MYCT1: variants seen among roughly 807,000 people sequenced by gnomAD.
MYCT1 encodes the protein myc target protein 1.
In MYCT1, 12 loss-of-function variants were observed where a neutral mutation model predicts 15.0. That is an observed-to-expected ratio of 0.80 (90% CI 0.51 to 1.29). The LOEUF (loss-of-function observed/expected upper bound fraction) is 1.29. Ranked by LOEUF, MYCT1 falls within the 50% of genes most tolerant of loss-of-function variation. The pLI is 0.00. For missense variants in MYCT1, 287 were observed against 279.1 expected (o/e 1.03, Z -0.20); for synonymous variants, 104 against 102.7 (o/e 1.01, Z -0.07).
intron 1 of MYCT1, among the ~76,000 whole-genome samples, chr6:152,701,228 C>T (rs1359978944): frequency 6.6e-6 from 1 of 152,150 alleles, no homozygotes; most frequent in African/African-American, 2.4e-5. Flanking sequence ...TTAGTTCACT[C>T]AGAAGCGTTC....
the MYCT1 span, among the ~76,000 whole-genome samples, chr6:152,746,203 C>G: frequency 1.3e-5 from 2 of 152,216 alleles, no homozygotes; most frequent in Non-Finnish European, 2.9e-5. Flanking sequence ...ATAGTAAACA[C>G]AGAGGGTGAT....
the MYCT1 span, among the ~76,000 whole-genome samples, chr6:152,746,964 A>G: frequency 8.3e-4 from 127 of 152,260 alleles, 1 homozygote; most frequent in African/African-American, 2.9e-3. Context: ...ATATTTGCTG[A>G]TATATTTTTA....
intron 1 of MYCT1, among the ~76,000 whole-genome samples, chr6:152,720,636 TA>T (rs2099724536): frequency 6.6e-6 from 1 of 152,112 alleles, no homozygotes; most frequent in Non-Finnish European, 1.5e-5. Context: ...GACAGAAGCT[TA>T]AAAAATTGAA....
the MYCT1 span, among the ~76,000 whole-genome samples, chr6:152,742,262 C>A: frequency 2.6e-5 from 4 of 152,044 alleles, no homozygotes; most frequent in Non-Finnish European, 5.9e-5. Context: ...TACAGTCTTT[C>A]TGGAAAAAAA....
intron 1 of MYCT1, among the ~76,000 whole-genome samples, chr6:152,718,590 A>G (rs935346259): frequency 1.3e-5 from 2 of 152,090 alleles, no homozygotes; most frequent in African/African-American, 4.8e-5. Flanking sequence ...TTGATTGTGT[A>G]TTTAAATAGT....
At chr6:152,732,834 A>C in the MYCT1 span, among the ~76,000 whole-genome samples, 1 of 152,200 alleles carries the variant, frequency 6.6e-6, no homozygotes, top group East Asian at 1.9e-4. Context: ...CCACAAGCCA[A>C]GGAATGCCAG....
chr6:152,704,043 G>T (rs1333938349), intron 1 of MYCT1, among the ~76,000 whole-genome samples: 6 of 150,462 alleles, frequency 4.0e-5, no homozygotes, highest in Non-Finnish European at 8.8e-5. Context: ...TGCCACATGG[G>T]TGGAGTGCAG....
downstream of MYCT1, chr6:152,724,659 A>C (rs1226799159): frequency 6.6e-6 from 1 of 152,174 alleles, no homozygotes; most frequent in Non-Finnish European, 1.5e-5. Flanking sequence ...TTAAATCAGG[A>C]AAACACATTA....
chr6:152,746,553 G>A, the MYCT1 span, among the ~76,000 whole-genome samples: 1 of 152,230 alleles, frequency 6.6e-6, no homozygotes, highest in Non-Finnish European at 1.5e-5. Context: ...CATGGAAAGA[G>A]AAACTGCAGA....
At chr6:152,700,820 A>G (rs985799475) in intron 1 of MYCT1, among the ~76,000 whole-genome samples, 1 of 151,974 alleles carries the variant, frequency 6.6e-6, no homozygotes, top group Non-Finnish European at 1.5e-5. Flanking sequence ...CTTGCTTTGC[A>G]TTTTTTTCCT....
At chr6:152,725,758 T>C (rs1046828412), downstream of MYCT1, among the ~76,000 whole-genome samples, 6 of 152,190 alleles carry the variant, frequency 3.9e-5, no homozygotes, top group African/African-American at 1.4e-4. Context: ...CGAAGTCTCC[T>C]AGCACCTGCC....
At chr6:152,742,956 C>T in the MYCT1 span, among the ~76,000 whole-genome samples, 1 of 152,150 alleles carries the variant, frequency 6.6e-6, no homozygotes, top group African/African-American at 2.4e-5. Flanking sequence ...GAAAGAAGCA[C>T]CCTGTGCCTT....
chr6:152,728,653 T>C (rs1400666360), downstream of MYCT1, among the ~76,000 whole-genome samples: 1 of 152,152 alleles, frequency 6.6e-6, no homozygotes, highest in East Asian at 1.9e-4. Flanking sequence ...CCCAGTACTT[T>C]GGGAGTGTGA....
intron 1 of MYCT1, among the ~76,000 whole-genome samples, chr6:152,708,071 T>C (rs2129069180): frequency 6.6e-6 from 1 of 151,978 alleles, no homozygotes; most frequent in Middle Eastern, 3.4e-3. Context: ...TATAAATAAA[T>C]TTAAGGGCAG....
intron 1 of MYCT1, among the ~76,000 whole-genome samples, chr6:152,700,641 T>C (rs372404952): frequency 6.6e-6 from 1 of 152,276 alleles, no homozygotes; most frequent in Non-Finnish European, 1.5e-5. Context: ...TTGCTTTCTT[T>C]AACGCACTTC....
At chr6:152,744,086 T>C in the MYCT1 span, among the ~76,000 whole-genome samples, 2 of 152,186 alleles carry the variant, frequency 1.3e-5, no homozygotes, top group African/African-American at 2.4e-5. Flanking sequence ...GAGGATTTGG[T>C]GTCTGGCTTC....
chr6:152,705,159 G>T (rs1338071619), intron 1 of MYCT1, among the ~76,000 whole-genome samples: 1 of 152,052 alleles, frequency 6.6e-6, no homozygotes, highest in South Asian at 2.1e-4. Flanking sequence ...GAAAATATCA[G>T]GTTGAAACTG....
rs151331328 is a variant in MYCT1, at chr6:152,721,527, T to C, written c.197-215T>C. On this transcript the variant is annotated intron_variant, in intron 1 of 1. Coordinates refer to ENST00000367245, the MANE Select transcript of MYCT1 (RefSeq NM_025107.3). ...GTTAAGTGACCTGGAATGCCGCAGC[T>C]GAAAGTGTTATTTTGTATCTTTCTG... is the stretch of plus-strand genomic sequence containing the variant. Among the ~76,000 whole-genome samples, 36 of 152,304 alleles carry C rather than the reference T, an allele frequency of 2.4e-4. 1 individual carries two copies. The East Asian group carries it at 7.0e-3, about 29-fold the overall frequency.
chr6:152,706,491 A>C (rs1431896225), intron 1 of MYCT1, among the ~76,000 whole-genome samples: 1 of 152,196 alleles, frequency 6.6e-6, no homozygotes, highest in Non-Finnish European at 1.5e-5. Flanking sequence ...CCACCAGATG[A>C]GAAGTTAAGC....
Sources: allele counts gnomAD v4.1 joint callset (sites outside exome capture counted in the v4.1 genomes callset), GRCh38; gene constraint gnomAD v4.1.1; transcripts MANE v1.5; gene names NCBI Gene and HGNC (gene_info 2026-07-23, HGNC 2026-07-21).